The following EPS15L1 variants were observed in gnomAD, a reference collection of about 807,000 sequenced individuals.
EPS15L1 encodes epidermal growth factor receptor substrate 15-like 1.
A neutral mutation model predicts 117.1 loss-of-function variants in EPS15L1; 43 were observed. The ratio of observed to expected loss-of-function variants is 0.37; its 90% CI spans 0.29 to 0.47. The LOEUF is 0.47. EPS15L1 is among the 20% of genes least tolerant of loss of function. The pLI, the probability that EPS15L1 is intolerant of heterozygous loss-of-function variation, is 0.99. For synonymous variants in EPS15L1, 459 were observed against 470.5 expected (o/e 0.98, Z 0.32); for missense variants, 981 against 1,164.0 (o/e 0.84, Z 2.29).
chr19:16,431,076 TA>T (rs2092922853), intron 7 of EPS15L1, among the ~76,000 whole-genome samples: 1 of 151,594 alleles, frequency 6.6e-6, no homozygotes, highest in Non-Finnish European at 1.5e-5. Flanking sequence ...CTATCTCTAC[TA>T]AAAATATAAA....
intron 22 of EPS15L1, 101 bp from the exon 23 acceptor site, chr19:16,362,085 C>CT: frequency 8.2e-7 from 1 of 1,225,620 alleles, no homozygotes; most frequent in African/African-American, 1.5e-5. Flanking sequence ...GGGCGCTTCT[C>CT]TGAGAAAAGC....
At chr19:16,410,659 C>T (rs1477172889) in intron 13 of EPS15L1, among the ~76,000 whole-genome samples, 1 of 152,162 alleles carries the variant, frequency 6.6e-6, no homozygotes, top group East Asian at 1.9e-4. Flanking sequence ...CCTGTAATCC[C>T]AGCACTCTGG....
chr19:16,391,376 T>C (rs1010535405), intron 19 of EPS15L1, among the ~76,000 whole-genome samples: 1 of 152,160 alleles, frequency 6.6e-6, no homozygotes, highest in East Asian at 1.9e-4. Context: ...TTAAGGACAT[T>C]AAAAAGGGGC....
At chr19:16,419,804 T>C (rs889419330) in intron 10 of EPS15L1, among the ~76,000 whole-genome samples, 1 of 152,212 alleles carries the variant, frequency 6.6e-6, no homozygotes, top group African/African-American at 2.4e-5. Context: ...TGCCACTGTC[T>C]CTCCCCAGTC....
At chr19:16,378,209 G>A (rs1384389889) in intron 21 of EPS15L1, among the ~76,000 whole-genome samples, 2 of 151,950 alleles carry the variant, frequency 1.3e-5, no homozygotes, top group African/African-American at 4.8e-5. Flanking sequence ...CAGGTAGGTA[G>A]GTAGGTAGGC....
intron 1 of EPS15L1, among the ~76,000 whole-genome samples, chr19:16,454,173 A>G (rs1438069115): frequency 1.3e-5 from 2 of 152,234 alleles, no homozygotes; most frequent in Non-Finnish European, 2.9e-5. Flanking sequence ...AAGGCACTGG[A>G]AACAGCAGAG....
intron 10 of EPS15L1, among the ~76,000 whole-genome samples, chr19:16,420,571 C>A (rs1299728433): frequency 2.0e-5 from 3 of 152,250 alleles, no homozygotes; most frequent in African/African-American, 4.8e-5. Context: ...TAAGGACAGT[C>A]ATTTCCCCCA....
At chr19:16,434,331 G>A in intron 7 of EPS15L1, 34 bp downstream of exon 7, 1 of 1,608,026 alleles carries the variant, frequency 6.2e-7, no homozygotes, top group Non-Finnish European at 8.5e-7. Flanking sequence ...CAGGGACACT[G>A]AGTGCAGAAG....
At chr19:16,420,278 T>C (rs999542852) in intron 10 of EPS15L1, among the ~76,000 whole-genome samples, 2 of 152,264 alleles carry the variant, frequency 1.3e-5, no homozygotes, top group Non-Finnish European at 2.9e-5. Context: ...CATTACATCA[T>C]GTGTCAATTG....
chr19:16,440,161 G>A (rs2093016928), intron 4 of EPS15L1, among the ~76,000 whole-genome samples: 1 of 151,936 alleles, frequency 6.6e-6, no homozygotes, highest in South Asian at 2.1e-4. Context: ...GGCTGGGCGT[G>A]GTGGCTCATG....
At chr19:16,444,145 G>A (rs181265407) in intron 1 of EPS15L1, among the ~76,000 whole-genome samples, 1 of 119,914 alleles carries the variant, frequency 8.3e-6, no homozygotes, top group Admixed American at 8.8e-5. Context: ...ATAGCATAAA[G>A]ATCTGAAAGG....
At chr19:16,462,166 A>G (rs1483792184) in intron 1 of EPS15L1, among the ~76,000 whole-genome samples, 1 of 152,112 alleles carries the variant, frequency 6.6e-6, no homozygotes, top group Non-Finnish European at 1.5e-5. Flanking sequence ...CAGTTTCCTC[A>G]TCTAGAAACA....
At chr19:16,433,886 C>T (rs1003512729) in intron 7 of EPS15L1, among the ~76,000 whole-genome samples, 3 of 151,976 alleles carry the variant, frequency 2.0e-5, no homozygotes, top group Non-Finnish European at 4.4e-5. Flanking sequence ...TTGCTTGAAC[C>T]GGGGAGGCAG....
At chr19:16,369,394 A>G (rs1202450540) in intron 22 of EPS15L1, among the ~76,000 whole-genome samples, 1 of 152,190 alleles carries the variant, frequency 6.6e-6, no homozygotes, top group East Asian at 1.9e-4. Flanking sequence ...CTGTTGAGAA[A>G]AGCTGAACAA....
intron 4 of EPS15L1, among the ~76,000 whole-genome samples, chr19:16,440,332 C>T (rs910185444): frequency 3.3e-5 from 5 of 152,046 alleles, no homozygotes; most frequent in African/African-American, 1.2e-4. Flanking sequence ...ACTCCAGAGG[C>T]TGAGGCAGGG....
intron 13 of EPS15L1, among the ~76,000 whole-genome samples, chr19:16,406,692 T>A (rs2092660090): frequency 6.6e-6 from 1 of 152,142 alleles, no homozygotes; most frequent in East Asian, 1.9e-4. Context: ...CCAGAGAAGT[T>A]CCCTCCTTTA....
At chr19:16,419,495 G>A (rs2092793809) in intron 10 of EPS15L1, among the ~76,000 whole-genome samples, 1 of 151,994 alleles carries the variant, frequency 6.6e-6, no homozygotes, top group African/African-American at 2.4e-5. Flanking sequence ...CAACCAGGAA[G>A]GGAAGGGACC....
chr19:16,424,245 G>A (rs2092845898), intron 9 of EPS15L1, among the ~76,000 whole-genome samples: 1 of 152,160 alleles, frequency 6.6e-6, no homozygotes, highest in South Asian at 2.1e-4. Context: ...GGGAGCATGT[G>A]GACTGTAGGC....
At chr19:16,454,045 A>C (rs906133324) in intron 1 of EPS15L1, among the ~76,000 whole-genome samples, 2 of 152,174 alleles carry the variant, frequency 1.3e-5, no homozygotes, top group African/African-American at 2.4e-5. Context: ...AACACACACA[A>C]GTGTGCCCTA....
Sources: allele counts gnomAD v4.1 joint callset (sites outside exome capture counted in the v4.1 genomes callset), GRCh38; gene constraint gnomAD v4.1.1; transcripts MANE v1.5; gene names NCBI Gene and HGNC (gene_info 2026-07-23, HGNC 2026-07-21).